The following CAPZA2 variants were observed in gnomAD, a reference collection of about 807,000 sequenced individuals.
CAPZA2 encodes capping actin protein of muscle Z-line subunit alpha 2, also known as F-actin-capping protein subunit alpha-2.
Under a neutral mutation model 44.0 loss-of-function variants are expected in CAPZA2, and 13 were observed. The observed-to-expected ratio is 0.30, with a 90% confidence interval of 0.19 to 0.47. The LOEUF (loss-of-function observed/expected upper bound fraction) is 0.47. Ranked by LOEUF, CAPZA2 falls within the 20% of genes least tolerant of loss-of-function variation. The pLI is 1.00. For synonymous variants in CAPZA2, 94 were observed against 108.2 expected, an observed-to-expected ratio of 0.87 and a Z score of 0.81; for missense variants, 244 against 338.6, an observed-to-expected ratio of 0.72 and a Z score of 2.19.
chr7:116,903,566 T>TA (rs751345658), intron 4 of CAPZA2, among the ~76,000 whole-genome samples: 1 of 152,194 alleles, frequency 6.6e-6, no homozygotes, highest in Non-Finnish European at 1.5e-5. Context: ...ATTTTTTAAA[T>TA]AAAGCACAAA....
chr7:116,913,808 T>C (rs1364367063), intron 8 of CAPZA2, among the ~76,000 whole-genome samples: 2 of 141,124 alleles, frequency 1.4e-5, no homozygotes, highest in Non-Finnish European at 3.1e-5. Context: ...AGAGATGGGG[T>C]TTCACCATGT....
At position 116,912,128 on chromosome 7, in the gene CAPZA2, C is replaced by A; in HGVS notation, c.645C>A (p.Ser215=). The change falls in exon 8 of 10, where the codon TCC becomes TCA. Residue 215 remains serine, a synonymous_variant. Coordinates refer to ENST00000361183, the MANE Select transcript of CAPZA2 (RefSeq NM_006136.3). ...TGAGTCATAAAGATATACAAGATTC[C>A]CTAACAGTGTCTGTAAGTAATTAAT... ...QLVSHKDIQD[S]LTVSNEVQTA... The A allele has an allele frequency of 6.2e-7, 1 of 1,612,616 alleles. No individual in the cohort carries two copies. The highest frequency in any genetic ancestry group is 2.2e-5 in the East Asian group (1 of 44,778).
intron 4 of CAPZA2, among the ~76,000 whole-genome samples, chr7:116,901,245 G>A (rs984809944): frequency 1.1e-4 from 17 of 152,026 alleles, no homozygotes; most frequent in African/African-American, 2.7e-4. Flanking sequence ...TAGCAAAGAC[G>A]TGGAATCAAT....
chr7:116,874,122 A>G (rs1177886444), intron 1 of CAPZA2: 2 of 154,584 alleles, frequency 1.3e-5, no homozygotes, highest in Admixed American at 6.5e-5. Context: ...CAACAATTCA[A>G]AAACCTGCTG....
rs188298828 is a variant in CAPZA2 at position 116,918,536 on chromosome 7, T to C, written c.*669T>C. The stretch of plus-strand genomic sequence containing the variant: ...AGAAATGCATTTAATGCTTTTTTTC[T>C]TGTGACAGTTACGCAAATCAGCTTG... On this transcript the variant is annotated 3_prime_UTR_variant, in exon 10 of 10. Coordinates refer to ENST00000361183, the MANE Select transcript of CAPZA2 (RefSeq NM_006136.3). 6.5e-6 allele frequency: 1 copy of C among 152,750 alleles called. No homozygotes were observed. The highest frequency in any genetic ancestry group is 1.9e-4 in the East Asian group (1 of 5,192). 9.5% of individuals were successfully genotyped at this position (152,750 alleles called of 1,614,324 possible). A position where few individuals can be genotyped will look rare whatever the true frequency, so the allele number is the denominator to read the frequency against.
chr7:116,871,171 T>G (rs1019492177), intron 1 of CAPZA2, among the ~76,000 whole-genome samples: 34 of 152,246 alleles, frequency 2.2e-4, no homozygotes, highest in African/African-American at 7.9e-4. Flanking sequence ...CTTTATACTT[T>G]GATTTGAGGA....
rs191271544 is a variant in CAPZA2 at position 116,868,744 on chromosome 7, A to T, written c.39+6094A>T. Among the ~76,000 whole-genome samples, 304 of 152,260 alleles carry T rather than the reference A, an allele frequency of 2.0e-3. 2 individuals are homozygous for T. Among genetic ancestry groups the T allele is most frequent in the African/African-American group, 6.9e-3 (286 of 41,542 alleles). On this transcript the variant is annotated intron_variant, in intron 1 of 9. Coordinates refer to ENST00000361183, the MANE Select transcript of CAPZA2 (RefSeq NM_006136.3). ...GCAAGACTCCATCTCAAAAAGTTTA[A>T]AAAAAAATTCTTATTATTGAGAAGG... is the stretch of plus-strand genomic sequence containing the variant.
chr7:116,871,156 G>A (rs1008865107), intron 1 of CAPZA2, among the ~76,000 whole-genome samples: 8 of 152,108 alleles, frequency 5.3e-5, no homozygotes, highest in African/African-American at 1.7e-4. Context: ...GGCAGGAAGC[G>A]TATACTTTAT....
chr7:116,904,020 TG>T (rs1056836260), intron 4 of CAPZA2, among the ~76,000 whole-genome samples, 156 bp from the exon 5 acceptor site: 17 of 152,242 alleles, frequency 1.1e-4, no homozygotes, highest in African/African-American at 4.1e-4. Context: ...TCAACTCATT[TG>T]AAGTATTAAT....
At chr7:116,890,576 A>G (rs1464854812) in intron 2 of CAPZA2, among the ~76,000 whole-genome samples, 1 of 44,696 alleles carries the variant, frequency 2.2e-5, no homozygotes, top group East Asian at 6.9e-4. Flanking sequence ...ATACACATAT[A>G]TATATATATA....
intron 2 of CAPZA2, among the ~76,000 whole-genome samples, chr7:116,889,340 GCTCTTC>G (rs1796801692): frequency 6.6e-6 from 1 of 152,150 alleles, no homozygotes; most frequent in African/African-American, 2.4e-5. Flanking sequence ...TTTACACAGA[GCTCTTC>G]AGTTTCCGTT....
Position 116,919,575 on chromosome 7 carries a change from T to C in CAPZA2, c.*1708T>C, listed in dbSNP as rs1214774821. 6.6e-6 allele frequency: 1 copy of C among 152,026 alleles called. No individual in the cohort carries two copies. Among genetic ancestry groups the C allele is most frequent in the Non-Finnish European group, 1.5e-5 (1 of 68,002 alleles). The allele number at this position is 152,026 out of a possible 1,614,324, so 9.4% of individuals were successfully genotyped here. ...GAGACGGAAGATTTATCAAAAATAA[T>C]TTAGAACAGGCTGGGCGCGGTGGCT... On this transcript the variant is annotated 3_prime_UTR_variant, in exon 10 of 10. Transcript: ENST00000361183.
chr7:116,917,803 G>A lies in CAPZA2; in HGVS notation c.797G>A (p.Arg266His), dbSNP rs773372818. The A allele has an allele frequency of 1.9e-6, 3 of 1,610,512 alleles. No individual in the cohort carries two copies. The highest frequency in any genetic ancestry group is 1.1e-5 in the South Asian group (1 of 90,994). ...TTACGTCGACAGTTGCCAGTTACAC[G>A]CACTAAGATTGATTGGAACAAGATC... Reference protein sequence around the residue: ...KALRRQLPVTRTKIDWNKILS... With the variant: ...KALRRQLPVTHTKIDWNKILS... The change falls in exon 10 of 10, where the codon CGC becomes CAC. Residue 266 changes from arginine to histidine, a missense_variant. Arg to His is a conservative substitution (Grantham distance 29). Coordinates refer to ENST00000361183, the MANE Select transcript of CAPZA2 (RefSeq NM_006136.3).
At chr7:116,862,673 C>G in intron 1 of CAPZA2, 23 bp downstream of exon 1, 1 of 1,534,620 alleles carries the variant, frequency 6.5e-7, no homozygotes, top group Non-Finnish European at 8.8e-7. Context: ...GGGGCGACGG[C>G]GCGGGCTGTC....
intron 1 of CAPZA2, among the ~76,000 whole-genome samples, chr7:116,865,384 C>T (rs1379083096): frequency 1.3e-5 from 2 of 151,684 alleles, no homozygotes; most frequent in Non-Finnish European, 2.9e-5. Context: ...CGGGGTTTCG[C>T]TATGTTGCCC....
intron 1 of CAPZA2, among the ~76,000 whole-genome samples, chr7:116,862,901 C>G (rs1796435650): frequency 6.6e-6 from 1 of 150,576 alleles, no homozygotes; most frequent in African/African-American, 2.4e-5. Flanking sequence ...AAATAGGAAG[C>G]GGGAGCCGGG....
intron 1 of CAPZA2, chr7:116,886,025 A>G (rs1033244908): frequency 2.6e-5 from 4 of 154,796 alleles, no homozygotes; most frequent in East Asian, 1.9e-4. Flanking sequence ...CTATCAGTCA[A>G]CATTAGTTTG....
chr7:116,869,630 G>T (rs967459795), intron 1 of CAPZA2, among the ~76,000 whole-genome samples: 1 of 152,180 alleles, frequency 6.6e-6, no homozygotes, highest in African/African-American at 2.4e-5. Flanking sequence ...TGTGAATCAG[G>T]ATAGGCAAGG....
chr7:116,904,614 A>G (rs187121273), intron 5 of CAPZA2: 77 of 436,900 alleles, frequency 1.8e-4, no homozygotes, highest in African/African-American at 1.4e-3. Flanking sequence ...ATCCATGTAG[A>G]AATTCTAATA....
Sources: gnomAD v4.1 joint callset for allele counts (sites outside exome capture counted in the v4.1 genomes callset) on GRCh38, gnomAD v4.1.1 for gene constraint, MANE v1.5 for transcripts, NCBI Gene and HGNC (gene_info 2026-07-23, HGNC 2026-07-21) for gene names.